The following CDK15 variants were observed in gnomAD, a reference collection of about 807,000 sequenced individuals.
The protein encoded by CDK15 is cyclin dependent kinase 15.
A neutral mutation model predicts 60.3 loss-of-function variants in CDK15; 62 were observed. The observed-to-expected ratio is 1.03, with a 90% CI of 0.84 to 1.27. CDK15 has a LOEUF of 1.27. Among genes scored for constraint, CDK15 ranks in the 50% most tolerant of loss-of-function variants. The pLI is 0.00. For synonymous variants in CDK15, 194 were observed against 195.7 expected, an observed-to-expected ratio of 0.99 and a Z score of 0.07; for missense variants, 541 against 527.8, an observed-to-expected ratio of 1.03 and a Z score of -0.25.
At chr2:201,875,753 G>A (rs76049618) in intron 11 of CDK15, among the ~76,000 whole-genome samples, 3,027 of 152,248 alleles carry the variant, frequency 0.02, 146 homozygotes, top group East Asian at 0.18. Flanking sequence ...AACTATACCT[G>A]TCTAAAAGCA....
intron 6 of CDK15, among the ~76,000 whole-genome samples, chr2:201,827,340 G>A (rs1157172077): frequency 6.6e-6 from 1 of 152,170 alleles, no homozygotes; most frequent in Admixed American, 6.5e-5. Flanking sequence ...CAGCTACCTG[G>A]GAGGCTAGGT....
At chr2:201,861,601 C>T in intron 10 of CDK15, 1 of 888,026 alleles carries the variant, frequency 1.1e-6, no homozygotes, top group Non-Finnish European at 1.3e-6. Flanking sequence ...TCACTTGTCA[C>T]CCAGGCTGGA....
At chr2:201,870,039 GCA>G (rs879520801) in intron 10 of CDK15, among the ~76,000 whole-genome samples, 2 of 152,188 alleles carry the variant, frequency 1.3e-5, no homozygotes, top group Non-Finnish European at 2.9e-5. Flanking sequence ...TAAAATGCCA[GCA>G]GAGAGGTCCA....
chr2:201,868,936 G>A (rs1698745255), intron 10 of CDK15, among the ~76,000 whole-genome samples: 1 of 152,218 alleles, frequency 6.6e-6, no homozygotes, highest in Non-Finnish European at 1.5e-5. Context: ...TGGTGGGAGT[G>A]TAAACTAGTT....
intron 9 of CDK15, among the ~76,000 whole-genome samples, chr2:201,851,291 CAA>C (rs1176883047): frequency 1.4e-3 from 39 of 27,760 alleles, no homozygotes; most frequent in African/African-American, 3.5e-3. Flanking sequence ...GACTTCATCT[CAA>C]AAAAAAAAAA....
chr2:201,834,530 A>C (rs1696921695), intron 7 of CDK15, among the ~76,000 whole-genome samples: 1 of 152,244 alleles, frequency 6.6e-6, no homozygotes, highest in Non-Finnish European at 1.5e-5. Context: ...ATTCACACAC[A>C]TAAATACATA....
Position 201,880,149 on chromosome 2 carries a change from C to G in CDK15, c.1180C>G (p.Leu394Val). ...HDYFSALPSQ[L>V]YQLPDEESLF... ...TTATTTCAGCGCCCTGCCATCTCAG[C>G]TGTACCAGCTTCCTGATGGTGAGCG... Residue 394 changes from leucine to valine, a missense_variant, in exon 12 of 14, where the codon CTG (leucine) becomes GTG (valine). Leu to Val is a conservative substitution (Grantham distance 32). Coordinates refer to ENST00000652192, the MANE Select transcript of CDK15 (RefSeq NM_001366386.2). The G allele has an allele frequency of 6.2e-7, 1 of 1,614,048 alleles. No homozygotes were observed. Among genetic ancestry groups the G allele is most frequent in the Non-Finnish European group, 8.5e-7 (1 of 1,180,002 alleles).
chr2:201,823,990 C>T (rs1338008337), intron 6 of CDK15, among the ~76,000 whole-genome samples: 2 of 152,056 alleles, frequency 1.3e-5, no homozygotes, highest in African/African-American at 4.8e-5. Flanking sequence ...TGGCTACATG[C>T]AAATGTGCCT....
Position 201,836,046 on chromosome 2 carries a change from T to TA in CDK15, c.851+283_851+284insA, listed in dbSNP as rs1292587389. Among the ~76,000 whole-genome samples, 173 of 86,808 alleles carry TA rather than the reference T, an allele frequency of 2.0e-3. 1 individual carries two copies. The highest frequency in any genetic ancestry group is 6.8e-3 in the African/African-American group (169 of 24,948). 56.9% of individuals were successfully genotyped at this position (86,808 alleles called of 152,430 possible). ...TATATTTATATATATTTTATATATATTTATATATATATTATATATATTTAT... is the reference window on the plus strand; with the variant it reads ...TATATTTATATATATTTTATATATATATTATATATATATTATATATATTTAT... On this transcript the variant is annotated intron_variant, in intron 8 of 13. Coordinates refer to ENST00000652192, the MANE Select transcript of CDK15 (RefSeq NM_001366386.2).
intron 12 of CDK15, chr2:201,888,620 T>C (rs1314545695): frequency 1.1e-5 from 15 of 1,418,134 alleles, no homozygotes; most frequent in Middle Eastern, 4.2e-4. Flanking sequence ...TTTTTCTTTT[T>C]CTATGAGTTG....
At chr2:201,823,550 C>T in intron 5 of CDK15, 115 bp from the exon 6 acceptor site, 1 of 947,984 alleles carries the variant, frequency 1.1e-6, no homozygotes, top group Admixed American at 1.8e-5. Context: ...GCACCTTATT[C>T]TTAAAATTCT....
chr2:201,883,396 G>A (rs1448813471), intron 12 of CDK15, among the ~76,000 whole-genome samples: 2 of 152,180 alleles, frequency 1.3e-5, no homozygotes, highest in African/African-American at 2.4e-5. Flanking sequence ...TGAAAGAATT[G>A]TTCCAGTCCA....
intron 10 of CDK15, among the ~76,000 whole-genome samples, chr2:201,866,848 C>T (rs1698651451): frequency 6.6e-6 from 1 of 152,102 alleles, no homozygotes; most frequent in Non-Finnish European, 1.5e-5. Context: ...GAGGGCAGGC[C>T]ACAAACAGGC....
At chr2:201,842,169 G>T (rs992157256) in intron 8 of CDK15, among the ~76,000 whole-genome samples, 1 of 152,118 alleles carries the variant, frequency 6.6e-6, no homozygotes, top group Non-Finnish European at 1.5e-5. Context: ...TCAGTCCCTG[G>T]TAACCACGAT....
At chr2:201,836,058 T>TATATTTATA (rs1553523956) in intron 8 of CDK15, among the ~76,000 whole-genome samples, 1 of 96,028 alleles carries the variant, frequency 1.0e-5, no homozygotes, top group Admixed American at 1.4e-4. Flanking sequence ...TATATATATA[T>TATATTTATA]TATATATATT....
At chr2:201,833,217 G>T (rs1410649000) in intron 6 of CDK15, among the ~76,000 whole-genome samples, 1 of 145,578 alleles carries the variant, frequency 6.9e-6, no homozygotes, top group Non-Finnish European at 1.5e-5. Context: ...TTTGAGGGGG[G>T]GGGTCTAACT....
chr2:201,830,394 G>A (rs1696698478), intron 6 of CDK15, among the ~76,000 whole-genome samples: 1 of 152,192 alleles, frequency 6.6e-6, no homozygotes, highest in South Asian at 2.1e-4. Flanking sequence ...CAAAGATAAG[G>A]AATAAGAAGT....
intron 10 of CDK15, among the ~76,000 whole-genome samples, chr2:201,870,514 G>A (rs1698810193): frequency 1.1e-5 from 1 of 87,884 alleles, no homozygotes; most frequent in African/African-American, 3.7e-5. Flanking sequence ...TTTGAGACCA[G>A]CCTGGACAAA....
chr2:201,866,604 G>A (rs1216293834), intron 10 of CDK15, among the ~76,000 whole-genome samples: 1 of 152,130 alleles, frequency 6.6e-6, no homozygotes, highest in East Asian at 1.9e-4. Context: ...GAAAAATCAG[G>A]TCTAATGATT....
Sources: allele counts gnomAD v4.1 joint callset (sites outside exome capture counted in the v4.1 genomes callset), GRCh38; gene constraint gnomAD v4.1.1; transcripts MANE v1.5; gene names NCBI Gene and HGNC (gene_info 2026-07-23, HGNC 2026-07-21).